HECW2: variants seen among roughly 807,000 people sequenced by gnomAD.
HECW2 encodes the protein E3 ubiquitin-protein ligase HECW2.
Under a neutral mutation model 175.2 loss-of-function variants are expected in HECW2, and 61 were observed. The observed-to-expected ratio is 0.35, with a 90% CI of 0.28 to 0.43. The LOEUF is 0.43. Among genes scored for constraint, HECW2 ranks in the 20% least tolerant of loss-of-function variants. The pLI is 1.00. For missense variants in HECW2, 1,524 were observed against 2,000.5 expected (o/e 0.76, Z 4.54); for synonymous variants, 671 against 731.0 (o/e 0.92, Z 1.32).
intron 1 of HECW2, among the ~76,000 whole-genome samples, chr2:196,546,486 A>C (rs1689427132): frequency 6.6e-6 from 1 of 152,210 alleles, no homozygotes; most frequent in African/African-American, 2.4e-5. Flanking sequence ...TCAAGCATCA[A>C]GGAAGGTATT....
chr2:196,476,741 T>C (rs2125364016), intron 1 of HECW2, among the ~76,000 whole-genome samples: 1 of 151,672 alleles, frequency 6.6e-6, no homozygotes, highest in East Asian at 1.9e-4. Flanking sequence ...TCTAATTTGG[T>C]TACTGATAAA....
At chr2:196,274,491 A>T (rs1007169510) in intron 15 of HECW2, among the ~76,000 whole-genome samples, 2 of 152,214 alleles carry the variant, frequency 1.3e-5, no homozygotes, top group African/African-American at 4.8e-5. Flanking sequence ...ACACAATCAA[A>T]GGGAAGACTG....
chr2:196,231,833 C>CA (rs1473276319), intron 21 of HECW2, among the ~76,000 whole-genome samples: 2 of 151,920 alleles, frequency 1.3e-5, no homozygotes, highest in African/African-American at 4.8e-5. Flanking sequence ...ACTAAAAATA[C>CA]AAAAAATTAG....
intron 28 of HECW2, among the ~76,000 whole-genome samples, chr2:196,211,377 C>T (rs189006372): frequency 3.0e-4 from 45 of 152,274 alleles, no homozygotes; most frequent in African/African-American, 1.0e-3. Context: ...AAGTCTTCCA[C>T]AGAAATGCAA....
chr2:196,411,274 G>A (rs540349598), intron 2 of HECW2, among the ~76,000 whole-genome samples: 20 of 152,216 alleles, frequency 1.3e-4, no homozygotes, highest in African/African-American at 4.8e-4. Flanking sequence ...CAAAGTGTTG[G>A]GATTACAGGC....
At chr2:196,544,476 C>A (rs1425181329) in intron 1 of HECW2, among the ~76,000 whole-genome samples, 1 of 152,234 alleles carries the variant, frequency 6.6e-6, no homozygotes, top group Admixed American at 6.5e-5. Context: ...GACTCCCCAA[C>A]TCCTGATTGC....
intron 1 of HECW2, among the ~76,000 whole-genome samples, chr2:196,500,061 A>C (rs1467262315): frequency 6.6e-6 from 1 of 152,154 alleles, no homozygotes; most frequent in African/African-American, 2.4e-5. Flanking sequence ...TTCCAATATC[A>C]AGCATCCCCA....
intron 2 of HECW2, among the ~76,000 whole-genome samples, chr2:196,414,288 A>G (rs979826714): frequency 6.6e-6 from 1 of 152,234 alleles, no homozygotes; most frequent in African/African-American, 2.4e-5. Context: ...TTACTCAGCC[A>G]GAGTCAGCTC....
chr2:196,592,786 C>T (rs1691250954), intron 1 of HECW2: 1 of 151,702 alleles, frequency 6.6e-6, no homozygotes. Context: ...GCTTTGCGCC[C>T]GTCGCCACAA....
At chr2:196,364,400 C>T (rs564934978) in intron 2 of HECW2, among the ~76,000 whole-genome samples, 4 of 152,316 alleles carry the variant, frequency 2.6e-5, no homozygotes, top group African/African-American at 9.6e-5. Flanking sequence ...AGCCATCACA[C>T]ATGTACTCTT....
intron 1 of HECW2, among the ~76,000 whole-genome samples, chr2:196,460,934 G>C (rs572127915): frequency 1.3e-5 from 2 of 151,818 alleles, no homozygotes; most frequent in African/African-American, 4.8e-5. Context: ...CTAATAAAGA[G>C]ACTCCTAAAT....
intron 1 of HECW2, among the ~76,000 whole-genome samples, chr2:196,436,773 T>C (rs1695890211): frequency 6.6e-6 from 1 of 151,784 alleles, no homozygotes; most frequent in South Asian, 2.1e-4. Context: ...AATTTCTTTC[T>C]TTTCTTTTCC....
Position 196,481,056 on chromosome 2 carries a change from C to T in HECW2, c.-35-47598G>A, listed in dbSNP as rs78599295. On this transcript the variant is annotated intron_variant, in intron 1 of 28. Coordinates refer to ENST00000644978, the MANE Select transcript of HECW2 (RefSeq NM_001348768.2). ...CCTTATCACTTGTAGTCAGTAGACA[C>T]TGAAAAGCTTTCATTAGCAAGTTTC... Among the ~76,000 whole-genome samples the T allele has an allele frequency of 7.2e-3, 1,104 of 152,342 alleles. 21 individuals carry two copies. The highest frequency in any genetic ancestry group is 0.025 in the African/African-American group (1,059 of 41,578).
intron 17 of HECW2, among the ~76,000 whole-genome samples, chr2:196,258,904 A>T (rs556416708): frequency 6.6e-5 from 10 of 152,292 alleles, no homozygotes; most frequent in Non-Finnish European, 1.5e-4. Flanking sequence ...ACAAGTATTT[A>T]TTTAGATTTA....
rs932749440 is a variant in HECW2 at position 196,197,170 on chromosome 2, A to G, written c.*4107T>C. On this transcript the variant is annotated 3_prime_UTR_variant, in exon 29 of 29. Transcript: ENST00000644978. ...CTTCTTATGCATGTTTTTATTATGCAGGGTTACAGATACCTCTTAATAATG... is the reference window on the plus strand; with the variant it reads ...CTTCTTATGCATGTTTTTATTATGCGGGGTTACAGATACCTCTTAATAATG... The G allele has an allele frequency of 1.3e-5, 2 of 152,108 alleles. No individual in the cohort carries two copies. Among genetic ancestry groups the G allele is most frequent in the African/African-American group, 4.8e-5 (2 of 41,414 alleles). 9.4% of individuals were successfully genotyped at this position (152,108 alleles called of 1,614,324 possible). A position where few individuals can be genotyped will look rare whatever the true frequency, so the allele number is the denominator to read the frequency against.
chr2:196,390,343 C>G lies in HECW2; in HGVS notation c.292+42789G>C, dbSNP rs529004332. 7.9e-5 allele frequency among the ~76,000 whole-genome samples: 12 copies of G among 152,260 alleles called. No individual in the cohort carries two copies. The South Asian group carries it at 2.5e-3, about 32-fold the overall frequency. On this transcript the variant is annotated intron_variant, in intron 2 of 28. Transcript: ENST00000644978. ...GAACCTTCCAAGTTGTTGGAATGAT[C>G]AATATGTCAACTTGATAGTTTAATT...
intron 1 of HECW2, among the ~76,000 whole-genome samples, chr2:196,455,586 G>C (rs898833997): frequency 3.3e-5 from 5 of 151,940 alleles, no homozygotes; most frequent in African/African-American, 9.7e-5. Context: ...TTTCCATATA[G>C]TTTTCTTATA....
intron 13 of HECW2, among the ~76,000 whole-genome samples, chr2:196,300,479 G>T (rs1691003331): frequency 6.6e-6 from 1 of 152,112 alleles, no homozygotes; most frequent in Non-Finnish European, 1.5e-5. Context: ...ATTGACAAAG[G>T]AATATGAAAC....
chr2:196,567,776 A>G (rs552154094), intron 1 of HECW2, among the ~76,000 whole-genome samples: 2 of 152,352 alleles, frequency 1.3e-5, no homozygotes, highest in African/African-American at 2.4e-5. Flanking sequence ...AAATTTCAGT[A>G]GTAGGATGTC....
Sources: gnomAD v4.1 joint callset for allele counts (sites outside exome capture counted in the v4.1 genomes callset) on GRCh38, gnomAD v4.1.1 for gene constraint, MANE v1.5 for transcripts, NCBI Gene and HGNC (gene_info 2026-07-23, HGNC 2026-07-21) for gene names.